The following ST18 variants were observed in gnomAD, a reference collection of about 807,000 sequenced individuals.
The protein encoded by ST18 is ST18 C2H2C-type zinc finger transcription factor, also known as suppression of tumorigenicity 18 protein.
A neutral mutation model predicts 110.0 loss-of-function variants in ST18; 50 were observed. The ratio of observed to expected loss-of-function variants is 0.45; its 90% CI spans 0.36 to 0.58. The LOEUF (loss-of-function observed/expected upper bound fraction) is 0.58, where lower values mean the gene tolerates loss of function less well. Ranked by LOEUF, ST18 falls within the 20% of genes least tolerant of loss-of-function variation. The pLI is 0.00. For synonymous variants in ST18, 461 were observed against 452.4 expected, an observed-to-expected ratio of 1.02 and a Z score of -0.24; for missense variants, 1,306 against 1,280.1, an observed-to-expected ratio of 1.02 and a Z score of -0.31.
intron 10 of ST18, among the ~76,000 whole-genome samples, chr8:52,169,233 A>C (rs533631007): frequency 1.7e-4 from 26 of 151,472 alleles, no homozygotes; most frequent in Admixed American, 2.6e-4. Context: ...GCCTGGGGCG[A>C]CTCTCAGGCT....
chr8:52,369,412 G>C (rs1383223736), intron 2 of ST18, among the ~76,000 whole-genome samples: 2 of 152,158 alleles, frequency 1.3e-5, no homozygotes, highest in Non-Finnish European at 2.9e-5. Flanking sequence ...TGACTGGATT[G>C]TGGATGACGT....
intron 2 of ST18, among the ~76,000 whole-genome samples, chr8:52,346,256 C>T (rs2140265106): frequency 6.7e-6 from 1 of 150,196 alleles, no homozygotes; most frequent in East Asian, 1.9e-4. Context: ...TATGGAATTG[C>T]CAAAATAAAA....
At position 52,180,114 on chromosome 8, in the gene ST18, C is replaced by G; in HGVS notation, c.277+8G>C. The G allele has an allele frequency of 6.2e-7, 1 of 1,613,402 alleles. No individual in the cohort carries two copies. On this transcript the variant is annotated splice_region_variant and intron_variant, in intron 9 of 25. Transcript: ENST00000689386. ...AGCAGGTAAAGTTTGGGCTCTCCTCCTTGCTACCTGCGGTAGAGTGACCAT... is the reference window on the plus strand; with the variant it reads ...AGCAGGTAAAGTTTGGGCTCTCCTCGTTGCTACCTGCGGTAGAGTGACCAT...
At chr8:52,304,322 G>A (rs1245725402) in intron 2 of ST18, among the ~76,000 whole-genome samples, 1 of 152,116 alleles carries the variant, frequency 6.6e-6, no homozygotes, top group African/African-American at 2.4e-5. Flanking sequence ...ATCAGTGTGT[G>A]AGTACATACA....
chr8:52,283,253 C>T (rs1451574580), intron 2 of ST18, among the ~76,000 whole-genome samples: 2 of 152,170 alleles, frequency 1.3e-5, no homozygotes, highest in South Asian at 4.1e-4. Context: ...GGCACTCGTG[C>T]CTAACCCGCC....
At chr8:52,381,840 G>A (rs891725309) in intron 2 of ST18, among the ~76,000 whole-genome samples, 1 of 151,930 alleles carries the variant, frequency 6.6e-6, no homozygotes, top group African/African-American at 2.4e-5. Context: ...TGGAAACACT[G>A]TATTTGAAGC....
chr8:52,148,031 G>A (rs776332428), intron 16 of ST18, among the ~76,000 whole-genome samples: 7 of 152,102 alleles, frequency 4.6e-5, no homozygotes, highest in East Asian at 3.9e-4. Context: ...GATGATACAC[G>A]TAGACATAAT....
At chr8:52,154,149 G>A (rs894163309) in intron 15 of ST18, among the ~76,000 whole-genome samples, 18 of 152,240 alleles carry the variant, frequency 1.2e-4, no homozygotes, top group African/African-American at 2.9e-4. Context: ...ACCCAAGACC[G>A]TCATAACATT....
At chr8:52,319,125 A>T (rs774166287) in intron 2 of ST18, among the ~76,000 whole-genome samples, 2 of 152,330 alleles carry the variant, frequency 1.3e-5, no homozygotes, top group East Asian at 3.9e-4. Flanking sequence ...TTTTAAGGAC[A>T]CTATTCAGAA....
chr8:52,126,912 T>C (rs2047319313), intron 22 of ST18, among the ~76,000 whole-genome samples: 2 of 152,258 alleles, frequency 1.3e-5, no homozygotes, highest in Admixed American at 6.5e-5. Context: ...AATGACAACA[T>C]TGAAGAAAAC....
At chr8:52,309,161 G>A (rs149596032) in intron 2 of ST18, among the ~76,000 whole-genome samples, 2 of 152,278 alleles carry the variant, frequency 1.3e-5, no homozygotes, top group East Asian at 3.9e-4. Flanking sequence ...GAGTGAGGGT[G>A]GTGGGTGGCG....
rs146034714 is a variant in ST18 at position 52,210,444 on chromosome 8, G to T, written c.86+1635C>A. On this transcript the variant is annotated intron_variant, in intron 8 of 25. Coordinates refer to ENST00000689386, the MANE Select transcript of ST18 (RefSeq NM_001352837.2). Reference sequence around the variant, plus strand: ...TGGCCGAGGTGGGAGAAACACTTGAGCCCAGGAGTTTGAGACCAGCCTAGG... The same window carrying T: ...TGGCCGAGGTGGGAGAAACACTTGATCCCAGGAGTTTGAGACCAGCCTAGG... Among the ~76,000 whole-genome samples the T allele has an allele frequency of 9.1e-3, 1,386 of 152,146 alleles. 20 individuals carry two copies. The highest frequency in any genetic ancestry group is 0.032 in the African/African-American group (1,309 of 41,498).
At position 52,173,658 on chromosome 8, in the gene ST18, G is replaced by A. The variant is rs143483482; in HGVS notation, c.278-1075C>T. Among the ~76,000 whole-genome samples, 490 of 152,262 alleles carry A rather than the reference G, an allele frequency of 3.2e-3. 4 individuals are homozygous for A. Among genetic ancestry groups the A allele is most frequent in the African/African-American group, 0.011 (466 of 41,540 alleles). On this transcript the variant is annotated intron_variant, in intron 9 of 25. Coordinates refer to ENST00000689386, the MANE Select transcript of ST18 (RefSeq NM_001352837.2). Reference sequence around the variant, plus strand: ...GGGTGTGCCCAGCTCACACCAGGCTGTGAAGTGCCTGCAACAGTGCCCAGA... The same window carrying A: ...GGGTGTGCCCAGCTCACACCAGGCTATGAAGTGCCTGCAACAGTGCCCAGA...
chr8:52,174,093 G>C (rs1474479469), intron 9 of ST18, among the ~76,000 whole-genome samples: 1 of 152,148 alleles, frequency 6.6e-6, no homozygotes, highest in Non-Finnish European at 1.5e-5. Flanking sequence ...AAATAATGCT[G>C]ATTATAGGGT....
chr8:52,303,797 G>A (rs1408980191), intron 2 of ST18, among the ~76,000 whole-genome samples: 4 of 152,220 alleles, frequency 2.6e-5, no homozygotes, highest in African/African-American at 7.2e-5. Context: ...GATTGAAAGA[G>A]TATGAAAAAA....
At chr8:52,143,427 G>A (rs2056054464) in intron 16 of ST18, among the ~76,000 whole-genome samples, 1 of 152,174 alleles carries the variant, frequency 6.6e-6, no homozygotes, top group South Asian at 2.1e-4. Flanking sequence ...GGGGGTTACA[G>A]TGAGCCGAGA....
chr8:52,238,095 C>A (rs2092929454), intron 2 of ST18, among the ~76,000 whole-genome samples: 1 of 152,166 alleles, frequency 6.6e-6, no homozygotes, highest in Non-Finnish European at 1.5e-5. Flanking sequence ...AGAAATCCAA[C>A]CTTCACATGT....
intron 2 of ST18, chr8:52,406,380 T>A (rs1844500019): frequency 6.6e-6 from 1 of 152,456 alleles, no homozygotes; most frequent in Non-Finnish European, 1.5e-5. Context: ...ACAGAATGAT[T>A]CTCACAGGTC....
chr8:52,234,684 C>G (rs1290775725), intron 2 of ST18, among the ~76,000 whole-genome samples: 2 of 151,454 alleles, frequency 1.3e-5, no homozygotes, highest in African/African-American at 4.9e-5. Context: ...AAATGCGGAA[C>G]CAACCCAAAT....
Sources: gnomAD v4.1 joint callset for allele counts (sites outside exome capture counted in the v4.1 genomes callset) on GRCh38, gnomAD v4.1.1 for gene constraint, MANE v1.5 for transcripts, NCBI Gene and HGNC (gene_info 2026-07-23, HGNC 2026-07-21) for gene names.